ATRX: variants seen among roughly 807,000 people sequenced by gnomAD.
The protein encoded by ATRX is ATRX chromatin remodeler, also known as chromatin remodeler ATRX.
In ATRX, 12 loss-of-function variants were observed where a neutral mutation model predicts 172.6. The observed-to-expected ratio is 0.07, with a 90% CI of 0.04 to 0.11. The LOEUF is 0.11. ATRX is among the 10% of genes least tolerant of loss of function. The pLI is 1.00. For missense variants in ATRX, 1,368 were observed against 1,767.4 expected (o/e 0.77, Z 4.05); for synonymous variants, 674 against 594.7 (o/e 1.13, Z -1.94).
intron 13 of ATRX, 48 bp downstream of exon 13, chrX:77,656,512 G>T: frequency 1.0e-6 from 1 of 953,165 alleles, no homozygotes; most frequent in Non-Finnish European, 1.5e-6. Flanking sequence ...TTGAAGGCAT[G>T]GTCATTCAGA....
chrX:77,525,760 C>T (rs781933850), intron 30 of ATRX, among the ~76,000 whole-genome samples: 9 of 112,073 alleles, frequency 8.0e-5, no homozygotes, highest in African/African-American at 1.3e-4. Flanking sequence ...TCTCTGCTCA[C>T]GTGTGTAACA....
intron 28 of ATRX, among the ~76,000 whole-genome samples, chrX:77,560,118 T>A (rs1451989298): frequency 9.0e-6 from 1 of 111,477 alleles, no homozygotes; most frequent in Non-Finnish European, 1.9e-5. Flanking sequence ...AAATCACAGG[T>A]AGAAAGAGGT....
At chrX:77,744,981 G>A (rs1175795111) in intron 1 of ATRX, among the ~76,000 whole-genome samples, 1 of 107,819 alleles carries the variant, frequency 9.3e-6, no homozygotes, top group African/African-American at 3.4e-5. Context: ...GGGTGACAGA[G>A]TGAGACTCTG....
Position 77,664,738 on chromosome X carries a change from G to A in ATRX, c.3850C>T (p.Leu1284Phe), listed in dbSNP as rs782619383. The change falls in exon 11 of 35, where the codon CTT becomes TTT. Residue 1284 changes from leucine to phenylalanine, a missense_variant. Leu to Phe is a conservative substitution (Grantham distance 22). This residue lies in a region of ATRX where 119 missense variants were observed against 131.3 expected (regional missense o/e 0.91). Coordinates refer to ENST00000373344, the MANE Select transcript of ATRX (RefSeq NM_000489.6). ...GAAGATCCATCCTCATCAGAGGAAAGATTGGCTTTAATTTCTTCTAAAAGC... is the reference window on the plus strand; with the variant it reads ...GAAGATCCATCCTCATCAGAGGAAAAATTGGCTTTAATTTCTTCTAAAAGC... ...KMLLEEIKANLSSDEDGSSDD... is the reference protein window; with the variant it reads ...KMLLEEIKANFSSDEDGSSDD... The A allele has an allele frequency of 1.7e-6, 2 of 1,208,141 alleles. No homozygotes were observed. Among genetic ancestry groups the A allele is most frequent in the Admixed American group, 4.4e-5 (2 of 45,847 alleles).
intron 30 of ATRX, among the ~76,000 whole-genome samples, chrX:77,537,758 T>G (rs1199922596): frequency 9.0e-6 from 1 of 111,677 alleles, no homozygotes; most frequent in Non-Finnish European, 1.9e-5. Context: ...CAGGACAAAT[T>G]ATCTGATATT....
intron 20 of ATRX, among the ~76,000 whole-genome samples, chrX:77,619,707 A>T (rs1557098863): frequency 9.0e-6 from 1 of 111,709 alleles, no homozygotes; most frequent in African/African-American, 3.2e-5. Flanking sequence ...AGTATTACAA[A>T]TAATAAAATA....
chrX:77,642,659 A>C (rs1480991592), intron 15 of ATRX, among the ~76,000 whole-genome samples: 2 of 110,068 alleles, frequency 1.8e-5, no homozygotes, highest in Non-Finnish European at 3.8e-5. Flanking sequence ...CAAAAAAAAA[A>C]CAAAAAAAAA....
chrX:77,772,479 A>T (rs1490341835), intron 1 of ATRX, among the ~76,000 whole-genome samples: 1 of 107,206 alleles, frequency 9.3e-6, no homozygotes, highest in Admixed American at 1.0e-4. Flanking sequence ...AAAAAAAAAA[A>T]AAAAAAGCTT....
intron 30 of ATRX, among the ~76,000 whole-genome samples, chrX:77,541,547 T>C (rs1557050836): frequency 8.9e-6 from 1 of 111,871 alleles, no homozygotes; most frequent in Admixed American, 9.5e-5. Context: ...ATATCCCTGA[T>C]GAACATCCAT....
chrX:77,532,600 C>G (rs2063615454), intron 30 of ATRX, among the ~76,000 whole-genome samples: 2 of 111,860 alleles, frequency 1.8e-5, no homozygotes, highest in South Asian at 3.7e-4. Context: ...ATGCAGAAAA[C>G]TGAAACTAGA....
chrX:77,625,047 C>T (rs1305807748), intron 19 of ATRX, among the ~76,000 whole-genome samples: 2 of 112,082 alleles, frequency 1.8e-5, no homozygotes, highest in Non-Finnish European at 3.8e-5. Context: ...AAAATAAGCA[C>T]ACAGACCAAT....
rs1603226572 is a variant in ATRX at position 77,684,401 on chromosome X, C to A, written c.855G>T (p.Glu285Asp). 1 of 1,209,842 alleles carries A rather than the reference C, an allele frequency of 8.3e-7. No individual in the cohort carries two copies. Among genetic ancestry groups the A allele is most frequent in the East Asian group, 3.0e-5 (1 of 33,795 alleles). ...TTTGCTGCAACAACTGTTCTAAATT[C>A]TCAAATACGCTGTTACATGCAGTGA... ...DLVTACNSVF[E>D]NLEQLLQQNK... Residue 285 changes from glutamate to aspartate, a missense_variant, in exon 9 of 35, where the codon GAG becomes GAT. Transcript: ENST00000373344.
chrX:77,679,450 C>T (rs2071071647), intron 9 of ATRX, among the ~76,000 whole-genome samples: 1 of 111,755 alleles, frequency 8.9e-6, no homozygotes, highest in Non-Finnish European at 1.9e-5. Context: ...AAATGGAACA[C>T]AGTGATCTAG....
intron 34 of ATRX, among the ~76,000 whole-genome samples, chrX:77,515,570 T>G (rs2063025097): frequency 1.8e-5 from 2 of 111,465 alleles, no homozygotes; most frequent in Admixed American, 1.9e-4. Context: ...GAATGCCCCA[T>G]TATCAAGTTC....
intron 1 of ATRX, among the ~76,000 whole-genome samples, chrX:77,778,333 G>A (rs891710380): frequency 1.9e-5 from 2 of 107,510 alleles, no homozygotes; most frequent in Non-Finnish European, 3.8e-5. Context: ...ACTTGAGCCC[G>A]GGAGTTCTAG....
intron 22 of ATRX, among the ~76,000 whole-genome samples, chrX:77,605,872 G>A (rs2066887080): frequency 9.0e-6 from 1 of 111,345 alleles, no homozygotes; most frequent in Non-Finnish European, 1.9e-5. Flanking sequence ...TGAAAAAAAA[G>A]AGAGAATACC....
At chrX:77,753,614 C>T (rs1242387086) in intron 1 of ATRX, among the ~76,000 whole-genome samples, 2 of 111,598 alleles carry the variant, frequency 1.8e-5, no homozygotes, top group Non-Finnish European at 3.8e-5. Context: ...TATAAATTCC[C>T]CTCTAAACAC....
chrX:77,778,539 G>C (rs1319609202), intron 1 of ATRX, among the ~76,000 whole-genome samples: 1 of 109,782 alleles, frequency 9.1e-6, no homozygotes, highest in Admixed American at 9.7e-5. Context: ...TGGCCAACAC[G>C]GTGAAATCCC....
chrX:77,620,684 C>T, intron 19 of ATRX, 152 bp from the exon 20 acceptor site: 2 of 540,753 alleles, frequency 3.7e-6, no homozygotes, highest in Non-Finnish European at 5.9e-6. Flanking sequence ...TTTATCTGCT[C>T]CCGTATTTGG....
Sources: gnomAD v4.1 joint callset for allele counts (sites outside exome capture counted in the v4.1 genomes callset) on GRCh38, gnomAD v4.1.1 for gene constraint, gnomAD v4.1.1 regional missense constraint, MANE v1.5 for transcripts, NCBI Gene and HGNC (gene_info 2026-07-23, HGNC 2026-07-21) for gene names.